Variants in KCNN3 observed in about 807,000 individuals in gnomAD.
KCNN3 encodes potassium calcium-activated channel subfamily N member 3, also known as small conductance calcium-activated potassium channel protein 3.
KCNN3 carries 16 observed loss-of-function variants against 62.9 expected under a neutral mutation model. The observed-to-expected ratio is 0.25, with a 90% CI of 0.17 to 0.39. The LOEUF (loss-of-function observed/expected upper bound fraction) is 0.39, where lower values mean the gene tolerates loss of function less well. KCNN3 is among the 10% of genes least tolerant of loss of function. The probability of loss-of-function intolerance (pLI) is 1.00; values close to 1 mark genes in which losing one functional copy is unlikely to be tolerated. For missense variants in KCNN3, 599 were observed against 949.4 expected (o/e 0.63, Z 4.85); for synonymous variants, 370 against 389.2 (o/e 0.95, Z 0.58).
chr1:154,794,729 T>G (rs1410661779), intron 2 of KCNN3, among the ~76,000 whole-genome samples: 1 of 152,142 alleles, frequency 6.6e-6, no homozygotes, highest in African/African-American at 2.4e-5. Context: ...AGCAGCAGTA[T>G]GCCTGAGGCT....
At chr1:154,713,833 A>G (rs1009545744) in intron 6 of KCNN3, among the ~76,000 whole-genome samples, 4 of 150,450 alleles carry the variant, frequency 2.7e-5, no homozygotes, top group Non-Finnish European at 5.9e-5. Context: ...TCAACTTTTC[A>G]GGGATTCCCC....
chr1:154,847,230 C>A (rs531187364), intron 1 of KCNN3, among the ~76,000 whole-genome samples: 1 of 151,942 alleles, frequency 6.6e-6, no homozygotes, highest in African/African-American at 2.4e-5. Context: ...GGGGAGCCTG[C>A]ACATCTCTCC....
rs1045697057 is a variant in KCNN3 at position 154,701,799 on chromosome 1, T to C, written c.*6177A>G. ...TGGACTCTTGTTGGGCCTTGTGTAG[T>C]TTGGAAAGCCGACCCCGGTTTCACG... On this transcript the variant is annotated 3_prime_UTR_variant, in exon 8 of 8. Transcript: ENST00000271915. 7.2e-5 allele frequency: 11 copies of C among 152,138 alleles called. No individual in the cohort carries two copies. The highest frequency in any genetic ancestry group is 7.2e-4 in the Admixed American group (11 of 15,274). The allele number at this position is 152,138 out of a possible 1,614,324, so 9.4% of individuals were successfully genotyped here.
At chr1:154,865,320 T>C (rs7553195) in intron 1 of KCNN3, among the ~76,000 whole-genome samples, 69,275 of 151,412 alleles carry the variant, frequency 0.46, 16,713 homozygotes, top group East Asian at 0.88. Context: ...CTCGTCACAA[T>C]GTCTAAGACT....
intron 2 of KCNN3, among the ~76,000 whole-genome samples, chr1:154,791,572 AAAAT>A (rs1360148004): frequency 3.9e-5 from 6 of 152,190 alleles, no homozygotes; most frequent in African/African-American, 1.2e-4. Context: ...AGACAGGACA[AAAAT>A]AAATCCAGTC....
intron 4 of KCNN3, 85 bp from the exon 5 acceptor site, chr1:154,726,111 CG>C: frequency 1.0e-6 from 1 of 998,966 alleles, no homozygotes. Flanking sequence ...CTGGCGGCCA[CG>C]GGGGTAATTT....
Position 154,869,911 on chromosome 1 carries a change from G to A in KCNN3, c.54C>T (p.Asp18=). The change falls in exon 1 of 8, where the codon GAC becomes GAT. Residue 18 remains aspartate, a synonymous_variant. Coordinates refer to ENST00000271915, the MANE Select transcript of KCNN3 (RefSeq NM_002249.6). The surrounding 1 kb of genome is among the most constrained non-coding windows in gnomAD (Gnocchi z 6.1). ...CAGAGGATGGACAGGGGCACTTGGG[G>A]TCTTCATCCAAGTCCCCCACCCCCG... The part of the protein sequence containing the change: ...HDSGVGDLDE[D]PKCPCPSSGD... 1 of 1,609,956 alleles carries A rather than the reference G, an allele frequency of 6.2e-7. No homozygotes were observed. The highest frequency in any genetic ancestry group is 8.5e-7 in the Non-Finnish European group (1 of 1,178,282).
chr1:154,810,109 G>A (rs1201402168), intron 2 of KCNN3, among the ~76,000 whole-genome samples: 1 of 152,156 alleles, frequency 6.6e-6, no homozygotes, highest in Non-Finnish European at 1.5e-5. Flanking sequence ...GAAGTCCTGG[G>A]TCCAGCTTAG....
chr1:154,755,492 GGAGA>G (rs1490808024), intron 3 of KCNN3, among the ~76,000 whole-genome samples: 1 of 87,190 alleles, frequency 1.1e-5, no homozygotes, highest in South Asian at 4.2e-4. Context: ...AGGAAGAAAG[GGAGA>G]AAGAAAGGAA....
At chr1:154,777,804 G>A (rs1177473552) in intron 2 of KCNN3, among the ~76,000 whole-genome samples, 2 of 152,234 alleles carry the variant, frequency 1.3e-5, no homozygotes, top group Admixed American at 1.3e-4. Flanking sequence ...GGGGCAGGGA[G>A]TACCGTGGGC....
At chr1:154,868,073 G>A (rs752615195) in intron 1 of KCNN3, 20 of 985,504 alleles carry the variant, frequency 2.0e-5, no homozygotes, top group Non-Finnish European at 2.4e-5. Flanking sequence ...CCATCCGGGC[G>A]CGCACTCACA....
intron 5 of KCNN3, among the ~76,000 whole-genome samples, chr1:154,722,328 C>T (rs1256121300): frequency 6.6e-6 from 1 of 151,336 alleles, no homozygotes; most frequent in African/African-American, 2.4e-5. Context: ...TCAACTCCTT[C>T]ATGTTGGATC....
intron 3 of KCNN3, among the ~76,000 whole-genome samples, chr1:154,761,137 T>C (rs931213878): frequency 2.1e-5 from 2 of 93,590 alleles, no homozygotes; most frequent in Admixed American, 2.0e-4. Flanking sequence ...TTGTTGAAAA[T>C]ACAATAAAAA....
At chr1:154,752,391 G>C (rs1357099635) in intron 3 of KCNN3, among the ~76,000 whole-genome samples, 1 of 140,784 alleles carries the variant, frequency 7.1e-6, no homozygotes, top group Non-Finnish European at 1.6e-5. Flanking sequence ...CAAGCACTGA[G>C]CAGATGAAGG....
At chr1:154,853,424 C>T (rs1472245169) in intron 1 of KCNN3, among the ~76,000 whole-genome samples, 2 of 152,222 alleles carry the variant, frequency 1.3e-5, no homozygotes, top group South Asian at 4.1e-4. Flanking sequence ...CAGCTTTGAC[C>T]TCCTGGGCTC....
In KCNN3 at chr1:154,772,301, G is replaced by A; in HGVS notation, c.1122C>T (p.Ala374=). 1 of 1,614,174 alleles carries A rather than the reference G, an allele frequency of 6.2e-7. No homozygotes were observed. The highest frequency in any genetic ancestry group is 8.5e-7 in the Non-Finnish European group (1 of 1,180,016). Residue 374 remains alanine, a synonymous_variant, in exon 3 of 8, where the codon GCC becomes GCT. Coordinates refer to ENST00000271915, the MANE Select transcript of KCNN3 (RefSeq NM_002249.6). This position sits in a 1 kb window ranked among gnomAD's most constrained non-coding sequence, Gnocchi z 5.6. ...LYISLEMLVC[A]IHPIPGEYKF... is the part of the protein sequence containing the mutation. ...TGTACTCGCCAGGAATGGGGTGGATGGCGCACACCAGCATCTCCAGGCTGA... is the reference window on the plus strand; with the variant it reads ...TGTACTCGCCAGGAATGGGGTGGATAGCGCACACCAGCATCTCCAGGCTGA...
intron 1 of KCNN3, chr1:154,868,436 G>A (rs1407150578): frequency 1.2e-6 from 1 of 805,158 alleles, no homozygotes; most frequent in South Asian, 5.5e-5. Context: ...GAAGAGGAGG[G>A]AAACAGAAAC....
intron 1 of KCNN3, among the ~76,000 whole-genome samples, chr1:154,860,854 T>G (rs1450132880): frequency 6.6e-6 from 1 of 152,030 alleles, no homozygotes; most frequent in East Asian, 1.9e-4. Context: ...GTGGCTGCTG[T>G]GCTACAGCCA....
chr1:154,728,461 C>G (rs1432005652), intron 4 of KCNN3, among the ~76,000 whole-genome samples: 1 of 152,140 alleles, frequency 6.6e-6, no homozygotes, highest in East Asian at 1.9e-4. Flanking sequence ...CTAACCTGGT[C>G]TTTTCCATTA....
Sources: gnomAD v4.1 joint callset for allele counts (sites outside exome capture counted in the v4.1 genomes callset) on GRCh38, gnomAD v4.1.1 for gene constraint, Gnocchi (gnomAD v3.1) non-coding constraint, MANE v1.5 for transcripts, NCBI Gene and HGNC (gene_info 2026-07-23, HGNC 2026-07-21) for gene names.